The following CADM2 variants were observed in gnomAD, a reference collection of about 807,000 sequenced individuals.
The protein encoded by CADM2 is cell adhesion molecule 2, also known as immunoglobulin superfamily member 4D.
In CADM2, 12 loss-of-function variants were observed where a neutral mutation model predicts 49.8. The observed-to-expected ratio is 0.24, with a 90% confidence interval of 0.15 to 0.39. CADM2 has a LOEUF of 0.39. Ranked by LOEUF, CADM2 falls within the 10% of genes least tolerant of loss-of-function variation. CADM2 has a pLI of 1.00. For missense variants in CADM2, 378 were observed against 492.3 expected (o/e 0.77, Z 2.20); for synonymous variants, 214 against 175.4 (o/e 1.22, Z -1.74).
At chr3:85,909,019 C>A (rs996868573) in intron 5 of CADM2, among the ~76,000 whole-genome samples, 2 of 152,192 alleles carry the variant, frequency 1.3e-5, no homozygotes, top group East Asian at 3.9e-4. Context: ...CCACCACGCC[C>A]GGCCTACAGT....
intron 1 of CADM2, among the ~76,000 whole-genome samples, chr3:85,175,360 G>A (rs1174645772): frequency 2.0e-5 from 3 of 152,122 alleles, no homozygotes; most frequent in African/African-American, 7.2e-5. Flanking sequence ...AGCAACCTAA[G>A]TGTTCATCAT....
At chr3:84,973,931 T>A (rs943560224) in intron 1 of CADM2, among the ~76,000 whole-genome samples, 1 of 152,120 alleles carries the variant, frequency 6.6e-6, no homozygotes, top group African/African-American at 2.4e-5. Context: ...ATTAACCACC[T>A]GGTCAACAAA....
chr3:85,787,375 T>C (rs1012091095), intron 2 of CADM2, among the ~76,000 whole-genome samples: 4 of 152,106 alleles, frequency 2.6e-5, no homozygotes, highest in Admixed American at 6.6e-5. Flanking sequence ...TTTAATATTT[T>C]CTCAATGAGG....
In CADM2 at chr3:86,074,169, A is replaced by G. The variant is rs1056015421; in HGVS notation, c.*7386A>G. ...CTAACCAGTATTATATATTTCAGCT[A>G]CCTAAGATAATGCAATTAATCATAT... is the stretch of plus-strand genomic sequence containing the variant. On this transcript the variant is annotated 3_prime_UTR_variant, in exon 10 of 10. Coordinates refer to ENST00000383699, the MANE Select transcript of CADM2 (RefSeq NM_001167675.2). 3.3e-5 allele frequency: 5 copies of G among 151,990 alleles called. No homozygotes were observed. Among genetic ancestry groups the G allele is most frequent in the African/African-American group, 1.2e-4 (5 of 41,448 alleles). The allele number at this position is 151,990 out of a possible 1,614,324, so 9.4% of individuals were successfully genotyped here.
At chr3:85,730,655 T>A (rs958205936) in intron 2 of CADM2, among the ~76,000 whole-genome samples, 4 of 152,100 alleles carry the variant, frequency 2.6e-5, no homozygotes, top group African/African-American at 9.7e-5. Context: ...TTTAAAGTAG[T>A]CTTAAAATTT....
At chr3:85,184,793 A>T (rs2041016594) in intron 1 of CADM2, among the ~76,000 whole-genome samples, 1 of 152,120 alleles carries the variant, frequency 6.6e-6, no homozygotes. Context: ...AAGAAATTCT[A>T]ATTTTTGCAT....
At chr3:85,838,823 A>T (rs955465476) in intron 3 of CADM2, among the ~76,000 whole-genome samples, 1 of 151,836 alleles carries the variant, frequency 6.6e-6, no homozygotes, top group Non-Finnish European at 1.5e-5. Context: ...TTATGAAAGT[A>T]ACTAAAATGA....
At chr3:85,774,745 G>A (rs2070272077) in intron 2 of CADM2, among the ~76,000 whole-genome samples, 1 of 151,572 alleles carries the variant, frequency 6.6e-6, no homozygotes, top group African/African-American at 2.4e-5. Flanking sequence ...AATTAAGTTA[G>A]ACATAACATT....
At chr3:85,414,053 C>G (rs1338164461) in intron 1 of CADM2, among the ~76,000 whole-genome samples, 1 of 152,026 alleles carries the variant, frequency 6.6e-6, no homozygotes, top group South Asian at 2.1e-4. Context: ...TTAGTAAATA[C>G]AAGGTTTCAC....
intron 1 of CADM2, among the ~76,000 whole-genome samples, chr3:85,116,239 A>C (rs1480423225): frequency 2.0e-5 from 3 of 152,236 alleles, no homozygotes; most frequent in Non-Finnish European, 4.4e-5. Context: ...AGGCAGGAGA[A>C]TCTCTTAAAC....
intron 1 of CADM2, among the ~76,000 whole-genome samples, chr3:84,998,244 G>A (rs2033277155): frequency 6.6e-6 from 1 of 152,012 alleles, no homozygotes; most frequent in South Asian, 2.1e-4. Context: ...ATCTTCCAGA[G>A]GTTATCTTTA....
chr3:86,035,299 T>C (rs1559814946), intron 8 of CADM2, among the ~76,000 whole-genome samples: 1 of 151,232 alleles, frequency 6.6e-6, no homozygotes, highest in African/African-American at 2.5e-5. Flanking sequence ...CTACCTCTAG[T>C]ATTCTATTTC....
intron 1 of CADM2, among the ~76,000 whole-genome samples, chr3:85,464,224 G>A (rs1017163417): frequency 1.2e-4 from 18 of 151,902 alleles, no homozygotes; most frequent in Admixed American, 8.5e-4. Context: ...AGATGGACTC[G>A]AAATATGATT....
At chr3:85,510,856 G>A (rs1424399477) in intron 1 of CADM2, among the ~76,000 whole-genome samples, 2 of 151,434 alleles carry the variant, frequency 1.3e-5, no homozygotes, top group Admixed American at 1.3e-4. Context: ...ATAATTCCTG[G>A]TCACAAGGCA....
intron 1 of CADM2, among the ~76,000 whole-genome samples, chr3:85,046,719 C>G (rs78775281): frequency 0.075 from 11,348 of 151,680 alleles, 483 homozygotes; most frequent in East Asian, 0.15. Flanking sequence ...TTACATTTAC[C>G]TAGAGTAATT....
chr3:85,983,797 A>ATCTG (rs1037416952), intron 8 of CADM2, among the ~76,000 whole-genome samples: 1 of 63,726 alleles, frequency 1.6e-5, no homozygotes, highest in African/African-American at 3.9e-5. Context: ...CTATCTACCT[A>ATCTG]TCTATCTATC....
intron 5 of CADM2, among the ~76,000 whole-genome samples, chr3:85,911,591 C>T (rs1478306632): frequency 6.6e-6 from 1 of 152,166 alleles, no homozygotes; most frequent in Non-Finnish European, 1.5e-5. Context: ...TCCTAAGTAT[C>T]CTTTAGCAAT....
chr3:85,945,326 C>T (rs554610000), intron 7 of CADM2, among the ~76,000 whole-genome samples: 1 of 152,210 alleles, frequency 6.6e-6, no homozygotes, highest in Admixed American at 6.6e-5. Context: ...CAGACGGTTT[C>T]ACAGCCGAAT....
intron 1 of CADM2, among the ~76,000 whole-genome samples, chr3:84,991,161 TTCCAGTA>T (rs1401125788): frequency 6.6e-6 from 1 of 152,110 alleles, no homozygotes; most frequent in Non-Finnish European, 1.5e-5. Context: ...GCAAGGATCT[TTCCAGTA>T]TTTCAGATCT....
Sources: gnomAD v4.1 joint callset for allele counts (sites outside exome capture counted in the v4.1 genomes callset) on GRCh38, gnomAD v4.1.1 for gene constraint, MANE v1.5 for transcripts, NCBI Gene and HGNC (gene_info 2026-07-23, HGNC 2026-07-21) for gene names.